The following PKIB variants were observed in gnomAD, a reference collection of about 807,000 sequenced individuals.
The protein encoded by PKIB is cAMP-dependent protein kinase inhibitor beta, also known as PKI-beta.
PKIB carries 2 observed loss-of-function variants against 4.5 expected under a neutral mutation model. The observed-to-expected ratio is 0.44, with a 90% CI of 0.18 to 1.39. PKIB has a LOEUF of 1.39. PKIB is among the 40% of genes most tolerant of loss of function. PKIB has a pLI of 0.27. For synonymous variants in PKIB, 38 were observed against 36.0 expected (o/e 1.06, Z -0.20); for missense variants, 94 against 92.6 (o/e 1.02, Z -0.06).
intron 3 of PKIB, among the ~76,000 whole-genome samples, chr6:122,707,650 A>C (rs1271167547): frequency 6.6e-6 from 1 of 152,154 alleles, no homozygotes; most frequent in East Asian, 1.9e-4. Flanking sequence ...TTAACATTCA[A>C]GAAAATTTTA....
intron 2 of PKIB, among the ~76,000 whole-genome samples, chr6:122,634,453 A>G (rs1775830474): frequency 6.6e-6 from 1 of 152,178 alleles, no homozygotes; most frequent in African/African-American, 2.4e-5. Flanking sequence ...TCTCCTACCC[A>G]GAGTGAGAAC....
intron 2 of PKIB, among the ~76,000 whole-genome samples, chr6:122,635,065 C>G (rs1400216747): frequency 1.3e-5 from 2 of 152,074 alleles, no homozygotes; most frequent in Non-Finnish European, 2.9e-5. Flanking sequence ...AATCTCCATA[C>G]TAGAACAAAA....
intron 2 of PKIB, among the ~76,000 whole-genome samples, chr6:122,565,635 G>A (rs1773167688): frequency 6.6e-6 from 1 of 152,140 alleles, no homozygotes; most frequent in South Asian, 2.1e-4. Context: ...CTTTTCTACT[G>A]TATAGCATGG....
chr6:122,605,912 C>G (rs1450090644), upstream of PKIB, among the ~76,000 whole-genome samples: 1 of 152,130 alleles, frequency 6.6e-6, no homozygotes, highest in African/African-American at 2.4e-5. Flanking sequence ...CCAAATAGAC[C>G]TGAAGAGCTA....
intron 2 of PKIB, among the ~76,000 whole-genome samples, chr6:122,554,530 A>T (rs1772781584): frequency 1.3e-5 from 2 of 152,196 alleles, no homozygotes; most frequent in African/African-American, 4.8e-5. Flanking sequence ...AAAAACTCAC[A>T]TTTATAAAGT....
Position 122,717,791 on chromosome 6 carries a change from T to C in PKIB, c.-4T>C. On this transcript the variant is annotated 5_prime_UTR_variant, in exon 4 of 5. Transcript: ENST00000368452. Reference sequence around the variant, plus strand: ...ATATGCACATTCTATTTGTAGATGTTGCTATGAGGACAGATTCATCAAAAA... The same window carrying C: ...ATATGCACATTCTATTTGTAGATGTCGCTATGAGGACAGATTCATCAAAAA... 6.2e-7 allele frequency: 1 copy of C among 1,613,858 alleles called. No individual in the cohort carries two copies. The highest frequency in any genetic ancestry group is 8.5e-7 in the Non-Finnish European group (1 of 1,179,806).
At chr6:122,493,029 T>G (rs1360869507) in intron 2 of PKIB, among the ~76,000 whole-genome samples, 2 of 152,230 alleles carry the variant, frequency 1.3e-5, no homozygotes, top group Non-Finnish European at 2.9e-5. Context: ...GGATATATTT[T>G]CTATTACAAG....
At chr6:122,606,480 G>A (rs1018501714), upstream of PKIB, among the ~76,000 whole-genome samples, 40 of 151,194 alleles carry the variant, frequency 2.6e-4, no homozygotes, top group African/African-American at 9.7e-4. Context: ...GCTGAGGCAG[G>A]AGAATCGCTC....
At chr6:122,722,920 C>A (rs1036235268) in intron 4 of PKIB, among the ~76,000 whole-genome samples, 18 of 152,168 alleles carry the variant, frequency 1.2e-4, no homozygotes, top group African/African-American at 4.3e-4. Context: ...TTCAAGATCA[C>A]AAATGACATC....
chr6:122,520,661 T>TCCCCCCCCCC (rs543467489), intron 2 of PKIB, among the ~76,000 whole-genome samples: 3 of 55,540 alleles, frequency 5.4e-5, no homozygotes, highest in Non-Finnish European at 7.6e-5. Context: ...AAGTTTATGT[T>TCCCCCCCCCC]CCCACCCCCC....
At chr6:122,661,335 T>G (rs1776980680) in intron 2 of PKIB, among the ~76,000 whole-genome samples, 1 of 152,176 alleles carries the variant, frequency 6.6e-6, no homozygotes, top group Non-Finnish European at 1.5e-5. Flanking sequence ...CTATAAACAT[T>G]AGTTGTGACT....
At chr6:122,710,474 C>A (rs1233843636) in intron 3 of PKIB, among the ~76,000 whole-genome samples, 1 of 152,046 alleles carries the variant, frequency 6.6e-6, no homozygotes, top group Non-Finnish European at 1.5e-5. Context: ...GTATTTGTGC[C>A]CCCTTTGAAA....
chr6:122,475,032 G>T (rs1193069521), intron 1 of PKIB, among the ~76,000 whole-genome samples: 1 of 152,138 alleles, frequency 6.6e-6, no homozygotes, highest in Non-Finnish European at 1.5e-5. Flanking sequence ...TTGGTTTGTT[G>T]TTGTTCTTGT....
intron 2 of PKIB, among the ~76,000 whole-genome samples, chr6:122,570,516 C>T (rs114126418): frequency 8.9e-4 from 135 of 152,202 alleles, no homozygotes; most frequent in African/African-American, 3.1e-3. Context: ...AGATAAGCTT[C>T]AAAAATCCTT....
chr6:122,546,070 G>A (rs1772484691), intron 2 of PKIB, among the ~76,000 whole-genome samples: 1 of 152,002 alleles, frequency 6.6e-6, no homozygotes, highest in Admixed American at 6.5e-5. Flanking sequence ...GATTAACAGT[G>A]TAAATAGAGG....
chr6:122,579,928 A>G (rs1255597105), intron 2 of PKIB, among the ~76,000 whole-genome samples: 4 of 152,212 alleles, frequency 2.6e-5, no homozygotes, highest in South Asian at 2.1e-4. Context: ...AAAAGAAGAC[A>G]TCGTATATAG....
At chr6:122,591,082 G>A (rs1774005025) in intron 3 of PKIB, among the ~76,000 whole-genome samples, 1 of 151,026 alleles carries the variant, frequency 6.6e-6, no homozygotes, top group African/African-American at 2.4e-5. Context: ...ACAGATTATA[G>A]TTTATCCACC....
At chr6:122,703,103 C>G (rs143291624) in intron 3 of PKIB, among the ~76,000 whole-genome samples, 39 of 152,210 alleles carry the variant, frequency 2.6e-4, no homozygotes, top group Admixed American at 8.5e-4. Flanking sequence ...TGTATCAGCT[C>G]TATTCTGTGA....
intron 3 of PKIB, among the ~76,000 whole-genome samples, chr6:122,714,884 G>A (rs558712479): frequency 6.6e-6 from 1 of 152,108 alleles, no homozygotes; most frequent in African/African-American, 2.4e-5. Flanking sequence ...GGGTTCAAAC[G>A]ATTGATTCTC....
Sources: allele counts gnomAD v4.1 joint callset (sites outside exome capture counted in the v4.1 genomes callset), GRCh38; gene constraint gnomAD v4.1.1; transcripts MANE v1.5; gene names NCBI Gene and HGNC (gene_info 2026-07-23, HGNC 2026-07-21).